ZFYVE16: variants seen among roughly 807,000 people sequenced by gnomAD.
ZFYVE16 encodes zinc finger FYVE domain-containing protein 16.
Under a neutral mutation model 138.1 loss-of-function variants are expected in ZFYVE16, and 89 were observed. The ratio of observed to expected loss-of-function variants is 0.64; its 90% CI spans 0.54 to 0.77. The LOEUF (loss-of-function observed/expected upper bound fraction) is 0.77, where lower values mean the gene tolerates loss of function less well. ZFYVE16 is among the 30% of genes least tolerant of loss of function. The pLI is 0.00. For synonymous variants in ZFYVE16, 596 were observed against 618.3 expected, an observed-to-expected ratio of 0.96 and a Z score of 0.53; for missense variants, 1,793 against 1,786.7, an observed-to-expected ratio of 1.00 and a Z score of -0.06.
In ZFYVE16 at chr5:80,448,102, A is replaced by G; in HGVS notation, c.2801A>G (p.Asn934Ser). 6.2e-7 allele frequency: 1 copy of G among 1,613,962 alleles called. No homozygotes were observed. Among genetic ancestry groups the G allele is most frequent in the African/African-American group, 1.3e-5 (1 of 75,052 alleles). Residue 934 changes from asparagine (N) to serine (S), a missense_variant, in exon 8 of 19, where the codon AAT becomes AGT. Around this residue, in one of 2 missense-constraint regions of ZFYVE16, gnomAD observed 1,295 missense variants for 1,204.3 expected, o/e 1.08. Transcript: ENST00000505560. ...PNNETGDITR[N>S]EIIQSPISQV... ...AATGAGACAGGAGATATTACAAGAA[A>G]TGAGATAATTCAGAGTCCTATTTCT...
In ZFYVE16 at chr5:80,478,040, G is replaced by A. The variant is rs920508894; in HGVS notation, c.*663G>A. On this transcript the variant is annotated 3_prime_UTR_variant, in exon 19 of 19. Coordinates refer to ENST00000505560, the MANE Select transcript of ZFYVE16 (RefSeq NM_001284236.3). ...ATTAAATGGATATTAAAATAATTGC[G>A]GGTGCTTCAGGACTTTTTGCTTCTA... is the stretch of plus-strand genomic sequence containing the variant. 4.6e-5 allele frequency: 7 copies of A among 151,764 alleles called. No individual in the cohort carries two copies. The highest frequency in any genetic ancestry group is 1.5e-4 in the African/African-American group (6 of 41,318). The allele number at this position is 151,764 out of a possible 1,614,324, so 9.4% of individuals were successfully genotyped here. A position where few individuals can be genotyped will look rare whatever the true frequency, so the allele number is the denominator to read the frequency against.
intron 1 of ZFYVE16, among the ~76,000 whole-genome samples, chr5:80,421,411 G>T (rs1747150578): frequency 6.6e-6 from 1 of 152,134 alleles, no homozygotes; most frequent in South Asian, 2.1e-4. Flanking sequence ...TTTTCTTCTA[G>T]GGTTTTTATG....
At chr5:80,457,374 T>A (rs572998105) in intron 14 of ZFYVE16, among the ~76,000 whole-genome samples, 1 of 152,360 alleles carries the variant, frequency 6.6e-6, no homozygotes, top group Non-Finnish European at 1.5e-5. Context: ...GTAATTTCTT[T>A]CTGAAATAAG....
At chr5:80,452,433 C>CAAAA (rs59341952) in intron 11 of ZFYVE16, 3 of 65,614 alleles carry the variant, frequency 4.6e-5, no homozygotes, top group African/African-American at 5.9e-5. Flanking sequence ...GACTACGTCT[C>CAAAA]AAAAAAAAAA....
chr5:80,415,588 T>C (rs979560869), intron 1 of ZFYVE16, among the ~76,000 whole-genome samples: 4 of 152,192 alleles, frequency 2.6e-5, no homozygotes, highest in Non-Finnish European at 4.4e-5. Context: ...CGTTATTATA[T>C]TGGGGTAATG....
intron 6 of ZFYVE16, among the ~76,000 whole-genome samples, chr5:80,444,935 C>T (rs1751130387): frequency 6.6e-6 from 1 of 152,064 alleles, no homozygotes; most frequent in Non-Finnish European, 1.5e-5. Flanking sequence ...AAGGTGTAAT[C>T]TCTCCTATCT....
At chr5:80,420,090 G>A (rs1470769903) in intron 1 of ZFYVE16, among the ~76,000 whole-genome samples, 3 of 149,564 alleles carry the variant, frequency 2.0e-5, no homozygotes, top group South Asian at 2.1e-4. Flanking sequence ...GATTACAGGC[G>A]TGAGCCAGCG....
intron 3 of ZFYVE16, among the ~76,000 whole-genome samples, chr5:80,435,308 C>G (rs2112346984): frequency 6.6e-6 from 1 of 152,166 alleles, no homozygotes; most frequent in South Asian, 2.1e-4. Context: ...GCTGGGATTA[C>G]AGGCCTGAGC....
At position 80,477,442 on chromosome 5, in the gene ZFYVE16, T is replaced by G; in HGVS notation, c.*65T>G. Reference sequence around the variant, plus strand: ...TTAAAACTAACTCCAGCACTAAAGCTGAAATGCCACAAACACTAAAAGTAT... The same window carrying G: ...TTAAAACTAACTCCAGCACTAAAGCGGAAATGCCACAAACACTAAAAGTAT... On this transcript the variant is annotated 3_prime_UTR_variant, in exon 19 of 19. Transcript: ENST00000505560. 6.9e-7 allele frequency: 1 copy of G among 1,458,754 alleles called. No homozygotes were observed. Among genetic ancestry groups the G allele is most frequent in the Non-Finnish European group, 9.2e-7 (1 of 1,086,716 alleles). 90.4% of individuals were successfully genotyped at this position (1,458,754 alleles called of 1,614,324 possible).
intron 1 of ZFYVE16, among the ~76,000 whole-genome samples, chr5:80,419,764 G>T (rs1746809624): frequency 6.6e-6 from 1 of 152,014 alleles, no homozygotes; most frequent in African/African-American, 2.4e-5. Context: ...GATTGCACAA[G>T]AATCTAGAGA....
At chr5:80,409,670 T>G (rs1276514337) in intron 1 of ZFYVE16, 1 of 152,192 alleles carries the variant, frequency 6.6e-6, no homozygotes, top group Non-Finnish European at 1.5e-5. Context: ...TTCTGTTCAG[T>G]CTGTTGTGCT....
intron 2 of ZFYVE16, among the ~76,000 whole-genome samples, chr5:80,431,016 G>C (rs1053192850): frequency 6.6e-6 from 1 of 152,186 alleles, no homozygotes; most frequent in Admixed American, 6.5e-5. Flanking sequence ...GGTACAAGGA[G>C]GAGCTGGTAC....
chr5:80,427,820 A>C (rs1748337457), intron 2 of ZFYVE16, among the ~76,000 whole-genome samples: 1 of 150,880 alleles, frequency 6.6e-6, no homozygotes, highest in African/African-American at 2.4e-5. Context: ...AAAGGTTCAA[A>C]AGTTAACTGA....
chr5:80,440,220 A>C, intron 5 of ZFYVE16, 188 bp downstream of exon 5: 1 of 1,203,252 alleles, frequency 8.3e-7, no homozygotes, highest in Non-Finnish European at 1.0e-6. Flanking sequence ...TAATACTACC[A>C]ATCTGGAAAG....
intron 1 of ZFYVE16, among the ~76,000 whole-genome samples, chr5:80,417,639 G>A (rs1470905411): frequency 6.6e-6 from 1 of 152,104 alleles, no homozygotes; most frequent in East Asian, 1.9e-4. Context: ...TCGTGTTTTT[G>A]TGGCTTGATA....
intron 15 of ZFYVE16, among the ~76,000 whole-genome samples, chr5:80,471,858 G>T (rs1160163494): frequency 6.6e-6 from 1 of 152,166 alleles, no homozygotes; most frequent in Admixed American, 6.5e-5. Context: ...AGATGGATTT[G>T]TAGAAATCCT....
At chr5:80,448,433 AG>A (rs762839825) in intron 8 of ZFYVE16, 29 bp downstream of exon 8, 3 of 1,440,146 alleles carry the variant, frequency 2.1e-6, no homozygotes, top group Non-Finnish European at 2.7e-6. Context: ...AAATTTAAAA[AG>A]ATTTAAAAAT....
At chr5:80,408,634 C>T (rs951861437) in intron 1 of ZFYVE16, among the ~76,000 whole-genome samples, 1 of 152,244 alleles carries the variant, frequency 6.6e-6, no homozygotes, top group African/African-American at 2.4e-5. Flanking sequence ...CGCACCCATG[C>T]ATTTTCTCTT....
intron 2 of ZFYVE16, among the ~76,000 whole-genome samples, chr5:80,433,791 T>G (rs1749472771): frequency 6.6e-6 from 1 of 152,214 alleles, no homozygotes; most frequent in Admixed American, 6.5e-5. Context: ...TTTATGCGTT[T>G]GTAGTTTGAT....
Sources: allele counts gnomAD v4.1 joint callset (sites outside exome capture counted in the v4.1 genomes callset), GRCh38; gene constraint gnomAD v4.1.1; regional missense constraint gnomAD v4.1.1; transcripts MANE v1.5; gene names NCBI Gene and HGNC (gene_info 2026-07-23, HGNC 2026-07-21).